Variants in ITGA1 observed in about 807,000 individuals in gnomAD.
ITGA1 encodes integrin alpha-1.
Under a neutral mutation model 145.9 loss-of-function variants are expected in ITGA1, and 85 were observed. The ratio of observed to expected loss-of-function variants is 0.58; its 90% CI spans 0.49 to 0.70. The LOEUF is 0.70. Among genes scored for constraint, ITGA1 ranks in the 30% least tolerant of loss-of-function variants. ITGA1 has a pLI of 0.00. For missense variants in ITGA1, 1,351 were observed against 1,418.7 expected (o/e 0.95, Z 0.77); for synonymous variants, 520 against 495.3 (o/e 1.05, Z -0.66).
chr5:52,882,467 A>G (rs2447860), intron 7 of ITGA1, among the ~76,000 whole-genome samples: 30,109 of 151,872 alleles, frequency 0.2, 3,145 homozygotes, highest in South Asian at 0.28. Flanking sequence ...AAGCTACTAG[A>G]TAAGAGGTGT....
chr5:52,939,248 T>C (rs564795316), intron 24 of ITGA1, among the ~76,000 whole-genome samples: 6 of 149,240 alleles, frequency 4.0e-5, no homozygotes, highest in Non-Finnish European at 8.9e-5. Context: ...TTTCTCTCTC[T>C]GTAGTATAGA....
At chr5:52,936,680 C>T (rs1471807230) in intron 23 of ITGA1, among the ~76,000 whole-genome samples, 2 of 152,194 alleles carry the variant, frequency 1.3e-5, no homozygotes, top group African/African-American at 4.8e-5. Context: ...AGTTCAGTTT[C>T]CTGTTGAACT....
chr5:52,836,987 T>C (rs750342200), intron 1 of ITGA1, among the ~76,000 whole-genome samples: 1 of 152,144 alleles, frequency 6.6e-6, no homozygotes, highest in Non-Finnish European at 1.5e-5. Context: ...CAAATAGCAA[T>C]GTGCCCTCTA....
At chr5:52,887,511 C>T (rs1481673766) in intron 7 of ITGA1, among the ~76,000 whole-genome samples, 2 of 152,196 alleles carry the variant, frequency 1.3e-5, no homozygotes, top group African/African-American at 4.8e-5. Context: ...CCTTCTCTGA[C>T]CATGATGTAT....
rs1750831220 is a variant in ITGA1 at position 52,927,616 on chromosome 5, T to C, written c.2646T>C (p.His882=). 6.2e-7 allele frequency: 1 copy of C among 1,611,846 alleles called. No individual in the cohort carries two copies. The highest frequency in any genetic ancestry group is 1.3e-5 in the African/African-American group (1 of 74,894). ...AIQKDSCESN[H]NITCKVGYPF... ...AAAAAGACAGTTGTGAATCTAATCA[T>C]AATATCACATGTAAAGTTGGATATC... Residue 882 remains histidine, a synonymous_variant, in exon 20 of 29, where the codon CAT becomes CAC. Transcript: ENST00000282588.
intron 1 of ITGA1, among the ~76,000 whole-genome samples, chr5:52,840,450 A>C (rs1430356814): frequency 2.0e-5 from 3 of 152,210 alleles, no homozygotes; most frequent in African/African-American, 7.2e-5. Context: ...TGTTTCCCAC[A>C]GTGGGATCCA....
intron 1 of ITGA1, chr5:52,824,293 C>CTTT (rs34682943): frequency 4.5e-5 from 6 of 134,138 alleles, no homozygotes; most frequent in Admixed American, 7.7e-5. Context: ...TCTTTTCTTT[C>CTTT]TTTTTTTTTT....
At chr5:52,911,942 A>ATACTATATATAGTGTATC in intron 14 of ITGA1, among the ~76,000 whole-genome samples, 1 of 100,018 alleles carries the variant, frequency 1.0e-5, no homozygotes, top group African/African-American at 4.2e-5. Context: ...TCTACTATAT[A>ATACTATATATAGTGTATC]TACTATATAT....
Position 52,897,510 on chromosome 5 carries a change from C to T in ITGA1, c.1146C>T (p.Phe382=), listed in dbSNP as rs1264374150. 6.2e-7 allele frequency: 1 copy of T among 1,612,904 alleles called. No homozygotes were observed. The highest frequency in any genetic ancestry group is 8.5e-7 in the Non-Finnish European group (1 of 1,179,090). ...SFEMEMSQTG[F]SAHYSQDWVM... ...AAATGGAAATGTCTCAGACTGGCTT[C>T]AGTGCTCATTATTCACAGGTATGTT... The change falls in exon 10 of 29, where the codon TTC becomes TTT. Residue 382 remains phenylalanine (F), a synonymous_variant. Coordinates refer to ENST00000282588, the MANE Select transcript of ITGA1 (RefSeq NM_181501.2).
chr5:52,861,573 A>C lies in ITGA1; in HGVS notation c.295+14A>C. 1 of 1,562,576 alleles carries C rather than the reference A, an allele frequency of 6.4e-7. No homozygotes were observed. Among genetic ancestry groups the C allele is most frequent in the Non-Finnish European group, 8.8e-7 (1 of 1,134,128 alleles). ...TGGATCTACCAGGTATGTAAAATTA[A>C]AAAAATCTGGTTTTAGGCCAGGTGC... On this transcript the variant is annotated intron_variant, in intron 3 of 28. Coordinates refer to ENST00000282588, the MANE Select transcript of ITGA1 (RefSeq NM_181501.2).
At chr5:52,940,546 C>A (rs1751040291) in intron 26 of ITGA1, among the ~76,000 whole-genome samples, 1 of 151,726 alleles carries the variant, frequency 6.6e-6, no homozygotes, top group Middle Eastern at 3.4e-3. Context: ...GTAGCTGGGA[C>A]TACAGGCGCC....
At chr5:52,858,398 A>G (rs1312436230) in intron 2 of ITGA1, among the ~76,000 whole-genome samples, 1 of 152,226 alleles carries the variant, frequency 6.6e-6, no homozygotes, top group Non-Finnish European at 1.5e-5. Flanking sequence ...CTGAAGTTGC[A>G]TCAAGTTCAG....
At chr5:52,884,622 T>C (rs1184516245) in intron 7 of ITGA1, among the ~76,000 whole-genome samples, 1 of 152,118 alleles carries the variant, frequency 6.6e-6, no homozygotes, top group Non-Finnish European at 1.5e-5. Context: ...AAGTGGGCAT[T>C]TATAGTCAAG....
chr5:52,871,685 G>C (rs1415808831), intron 6 of ITGA1, among the ~76,000 whole-genome samples: 3 of 151,938 alleles, frequency 2.0e-5, no homozygotes, highest in African/African-American at 4.8e-5. Context: ...TGACAATTTA[G>C]TATACATTAG....
chr5:52,908,800 C>A, intron 12 of ITGA1, 98 bp from the exon 13 acceptor site: 1 of 1,294,176 alleles, frequency 7.7e-7, no homozygotes, highest in South Asian at 1.4e-5. Context: ...CCAACTAGCT[C>A]CTCTTCTAGA....
intron 1 of ITGA1, among the ~76,000 whole-genome samples, chr5:52,843,517 A>G (rs1051424942): frequency 6.6e-6 from 1 of 152,186 alleles, no homozygotes; most frequent in Non-Finnish European, 1.5e-5. Flanking sequence ...CCAACAACTA[A>G]ACAGGCTACA....
chr5:52,890,496 A>G (rs186610606), intron 8 of ITGA1, among the ~76,000 whole-genome samples: 13 of 152,340 alleles, frequency 8.5e-5, no homozygotes, highest in Admixed American at 7.8e-4. Flanking sequence ...AGTTTTGACA[A>G]TTACGTGCAC....
At chr5:52,861,684 A>T (rs1385197826) in intron 3 of ITGA1, 125 bp downstream of exon 3, 6 of 629,236 alleles carry the variant, frequency 9.5e-6, no homozygotes, top group Non-Finnish European at 1.7e-5. Context: ...CAGCCTGGGC[A>T]ACCTGACGAA....
chr5:52,843,092 T>C (rs1338506555), intron 1 of ITGA1, among the ~76,000 whole-genome samples: 2 of 152,234 alleles, frequency 1.3e-5, no homozygotes, highest in Non-Finnish European at 2.9e-5. Flanking sequence ...ATATGAATGA[T>C]TGAATAAATA....
Sources: gnomAD v4.1 joint callset for allele counts (sites outside exome capture counted in the v4.1 genomes callset) on GRCh38, gnomAD v4.1.1 for gene constraint, MANE v1.5 for transcripts, NCBI Gene and HGNC (gene_info 2026-07-23, HGNC 2026-07-21) for gene names.